The following AUTS2 variants were observed in gnomAD, a reference collection of about 807,000 sequenced individuals.
The protein encoded by AUTS2 is activator of transcription and developmental regulator AUTS2.
AUTS2 carries 17 observed loss-of-function variants against 112.4 expected under a neutral mutation model. The ratio of observed to expected loss-of-function variants is 0.15; its 90% CI spans 0.10 to 0.23. The LOEUF (loss-of-function observed/expected upper bound fraction) is 0.23. AUTS2 is among the 10% of genes least tolerant of loss of function. AUTS2 has a pLI of 1.00. For synonymous variants in AUTS2, 751 were observed against 702.7 expected, an observed-to-expected ratio of 1.07 and a Z score of -1.09; for missense variants, 1,510 against 1,701.6, an observed-to-expected ratio of 0.89 and a Z score of 1.98.
intron 1 of AUTS2, among the ~76,000 whole-genome samples, chr7:69,796,173 G>A (rs1423212006): frequency 6.6e-6 from 1 of 152,098 alleles, no homozygotes; most frequent in Non-Finnish European, 1.5e-5. Context: ...TAGACAGTGG[G>A]GTGAAAAGAT....
At position 69,599,105 on chromosome 7, in the gene AUTS2, C is replaced by A. The variant is rs564581350; in HGVS notation, c.-549C>A. ...GAGAGGCGGCGGGGGTGTTTTCCTG[C>A]GCGAGGGGCGGGTGAAGTTCATTGC... On this transcript the variant is annotated 5_prime_UTR_variant, in exon 1 of 19. Coordinates refer to ENST00000342771, the MANE Select transcript of AUTS2 (RefSeq NM_015570.4). This position sits in a 1 kb window ranked among gnomAD's most constrained non-coding sequence, Gnocchi z 7.0. 2 of 148,616 alleles carry A rather than the reference C, an allele frequency of 1.3e-5. No individual in the cohort carries two copies. Among genetic ancestry groups the A allele is most frequent in the Admixed American group, 6.7e-5 (1 of 15,018 alleles). 9.2% of individuals were successfully genotyped at this position (148,616 alleles called of 1,614,324 possible).
chr7:69,802,842 C>A (rs1427837052), intron 1 of AUTS2, among the ~76,000 whole-genome samples: 1 of 152,174 alleles, frequency 6.6e-6, no homozygotes, highest in Admixed American at 6.5e-5. Flanking sequence ...GGGATGAATT[C>A]TTTGTGAATT....
intron 2 of AUTS2, among the ~76,000 whole-genome samples, chr7:70,056,750 A>T (rs1247859701): frequency 1.3e-5 from 2 of 152,168 alleles, no homozygotes. Context: ...ACACCACTAG[A>T]GACATGGTTT....
chr7:70,496,126 C>G (rs1296215433), intron 5 of AUTS2, among the ~76,000 whole-genome samples: 16 of 132,066 alleles, frequency 1.2e-4, no homozygotes, highest in Non-Finnish European at 2.2e-4. Flanking sequence ...CACGTCACAT[C>G]AGCATCGATC....
At chr7:69,776,337 G>A (rs964052989) in intron 1 of AUTS2, among the ~76,000 whole-genome samples, 3 of 152,176 alleles carry the variant, frequency 2.0e-5, no homozygotes, top group Non-Finnish European at 4.4e-5. Flanking sequence ...ATAGAACCAG[G>A]ACTAGTAGGG....
At chr7:70,594,126 C>G (rs1371141740) in intron 5 of AUTS2, among the ~76,000 whole-genome samples, 2 of 152,122 alleles carry the variant, frequency 1.3e-5, no homozygotes, top group Admixed American at 1.3e-4. Context: ...ATTTCCTTTC[C>G]AAACTCTCCC....
At chr7:69,850,469 C>T (rs138547148) in intron 1 of AUTS2, among the ~76,000 whole-genome samples, 108 of 121,180 alleles carry the variant, frequency 8.9e-4, no homozygotes, top group African/African-American at 3.1e-3. Flanking sequence ...TACCATTGTA[C>T]ATTCCCAGCA....
chr7:70,636,649 ATTT>A (rs11320215), intron 5 of AUTS2, among the ~76,000 whole-genome samples: 12 of 137,636 alleles, frequency 8.7e-5, no homozygotes, highest in Non-Finnish European at 1.3e-4. Context: ...ACAAAAATAC[ATTT>A]TTTTTTTTTT....
rs539371945 is a variant in AUTS2 at position 70,481,835 on chromosome 7, C to T, written c.690+46054C>T. On this transcript the variant is annotated intron_variant, in intron 5 of 18. Coordinates refer to ENST00000342771, the MANE Select transcript of AUTS2 (RefSeq NM_015570.4). ...ACGATTGCTTAGGGGTCTGAAAAAT[C>T]ATTAAAGCTTGTCCTCTTAAACGTT... 3.3e-5 allele frequency among the ~76,000 whole-genome samples: 5 copies of T among 152,254 alleles called. No individual in the cohort carries two copies. The East Asian group carries it at 7.7e-4, about 24-fold the overall frequency.
chr7:70,441,559 T>G (rs948033819), intron 5 of AUTS2, among the ~76,000 whole-genome samples: 1 of 152,052 alleles, frequency 6.6e-6, no homozygotes, highest in Admixed American at 6.6e-5. Flanking sequence ...ATAACTTAAA[T>G]TTTATTCTGT....
At chr7:69,637,361 C>T (rs1381245492) in intron 1 of AUTS2, among the ~76,000 whole-genome samples, 1 of 152,146 alleles carries the variant, frequency 6.6e-6, no homozygotes, top group Admixed American at 6.5e-5. Flanking sequence ...TATGTTTATT[C>T]TTGATATTCA....
At chr7:69,845,916 C>G (rs528270689) in intron 1 of AUTS2, among the ~76,000 whole-genome samples, 1 of 152,264 alleles carries the variant, frequency 6.6e-6, no homozygotes, top group Admixed American at 6.5e-5. Context: ...TGTGGACATT[C>G]TGGTTCTGGG....
In AUTS2 at chr7:70,036,282, C is replaced by G. The variant is rs555558204; in HGVS notation, c.523-81850C>G. Among the ~76,000 whole-genome samples the G allele has an allele frequency of 1.9e-4, 29 of 152,234 alleles. No homozygotes were observed. The South Asian group carries it at 5.0e-3, about 26-fold the overall frequency. ...GAGGCCGAGTTCAGGATTTTGTATT[C>G]CATGATAAGTGTAATGGGAAATCTA... On this transcript the variant is annotated intron_variant, in intron 2 of 18. Coordinates refer to ENST00000342771, the MANE Select transcript of AUTS2 (RefSeq NM_015570.4).
intron 5 of AUTS2, among the ~76,000 whole-genome samples, chr7:70,619,133 C>T (rs79716317): frequency 1.3e-5 from 2 of 152,270 alleles, no homozygotes; most frequent in Non-Finnish European, 2.9e-5. Flanking sequence ...GACCTTCCCC[C>T]CCTCCCCATC....
intron 1 of AUTS2, among the ~76,000 whole-genome samples, chr7:69,882,849 A>G (rs989296101): frequency 6.6e-6 from 1 of 152,184 alleles, no homozygotes; most frequent in Non-Finnish European, 1.5e-5. Context: ...AGATCCCACC[A>G]TTGTTCCTCC....
At chr7:69,764,262 G>A (rs1363273419) in intron 1 of AUTS2, among the ~76,000 whole-genome samples, 3 of 152,202 alleles carry the variant, frequency 2.0e-5, no homozygotes, top group Non-Finnish European at 4.4e-5. Context: ...GAAGTGGCAG[G>A]AACATGATTT....
intron 2 of AUTS2, among the ~76,000 whole-genome samples, chr7:69,927,335 T>C (rs1796061163): frequency 6.6e-6 from 1 of 151,916 alleles, no homozygotes; most frequent in Non-Finnish European, 1.5e-5. Context: ...GCCTTTATAC[T>C]GTCGATGACA....
intron 1 of AUTS2, among the ~76,000 whole-genome samples, chr7:69,619,885 A>C (rs1793578297): frequency 6.6e-6 from 1 of 152,204 alleles, no homozygotes; most frequent in African/African-American, 2.4e-5. Flanking sequence ...TCTAACACAG[A>C]AAAAGATGTG....
chr7:70,721,786 C>T (rs1297311559), intron 6 of AUTS2, among the ~76,000 whole-genome samples: 1 of 152,088 alleles, frequency 6.6e-6, no homozygotes, highest in Non-Finnish European at 1.5e-5. Flanking sequence ...ACCCATATAC[C>T]CTTCACCTAG....
Sources: gnomAD v4.1 joint callset for allele counts (sites outside exome capture counted in the v4.1 genomes callset) on GRCh38, gnomAD v4.1.1 for gene constraint, Gnocchi (gnomAD v3.1) non-coding constraint, MANE v1.5 for transcripts, NCBI Gene and HGNC (gene_info 2026-07-23, HGNC 2026-07-21) for gene names.